PDSS2: variants seen among roughly 807,000 people sequenced by gnomAD.
PDSS2 encodes the protein decaprenyl diphosphate synthase subunit 2.
In PDSS2, 31 loss-of-function variants were observed where a neutral mutation model predicts 44.5. The ratio of observed to expected loss-of-function variants is 0.70; its 90% CI spans 0.52 to 0.94. PDSS2 has a LOEUF of 0.94. Among genes scored for constraint, PDSS2 ranks in the 40% least tolerant of loss-of-function variants. The probability of loss-of-function intolerance (pLI) is 0.00; values close to 1 mark genes in which losing one functional copy is unlikely to be tolerated. For synonymous variants in PDSS2, 157 were observed against 180.3 expected (o/e 0.87, Z 1.03); for missense variants, 452 against 482.2 (o/e 0.94, Z 0.59).
intron 2 of PDSS2, among the ~76,000 whole-genome samples, chr6:107,286,259 G>C (rs1297260119): frequency 6.6e-6 from 1 of 152,078 alleles, no homozygotes; most frequent in Non-Finnish European, 1.5e-5. Context: ...TGTAATCCCA[G>C]CACTTTGGGA....
chr6:107,440,614 T>C (rs1781486037), intron 1 of PDSS2, among the ~76,000 whole-genome samples: 1 of 152,222 alleles, frequency 6.6e-6, no homozygotes, highest in Non-Finnish European at 1.5e-5. Context: ...AAAGGTTTTG[T>C]GCCCAGGGAA....
intron 7 of PDSS2, among the ~76,000 whole-genome samples, chr6:107,167,920 G>A (rs1265773450): frequency 6.6e-6 from 1 of 152,130 alleles, no homozygotes. Flanking sequence ...TTTTGGATTG[G>A]TGTGGTGTGG....
chr6:107,255,356 C>T (rs1311017896), intron 3 of PDSS2, among the ~76,000 whole-genome samples: 2 of 151,526 alleles, frequency 1.3e-5, no homozygotes, highest in Non-Finnish European at 2.9e-5. Context: ...CCACGCCTGG[C>T]TAATTTTGCA....
At chr6:107,325,738 G>C (rs554418367) in intron 2 of PDSS2, among the ~76,000 whole-genome samples, 2 of 152,076 alleles carry the variant, frequency 1.3e-5, no homozygotes, top group Non-Finnish European at 2.9e-5. Context: ...TTTTGTCCAT[G>C]TTTGTGTTGT....
chr6:107,320,245 C>T (rs1019070341), intron 2 of PDSS2, among the ~76,000 whole-genome samples: 4 of 151,992 alleles, frequency 2.6e-5, no homozygotes, highest in African/African-American at 4.8e-5. Context: ...TTGGTTCTCA[C>T]GTACAGCCTC....
chr6:107,242,064 C>T (rs1562401946), intron 4 of PDSS2, among the ~76,000 whole-genome samples: 1 of 151,970 alleles, frequency 6.6e-6, no homozygotes, highest in African/African-American at 2.4e-5. Context: ...GTACTTCTTG[C>T]GCTGTTAGAA....
At chr6:107,245,074 TAAAG>T (rs1774562291) in intron 4 of PDSS2, among the ~76,000 whole-genome samples, 1 of 152,178 alleles carries the variant, frequency 6.6e-6, no homozygotes, top group Admixed American at 6.6e-5. Flanking sequence ...CTTCTTATAA[TAAAG>T]AATCTAATAA....
At chr6:107,163,844 C>A (rs1350253170) in intron 7 of PDSS2, among the ~76,000 whole-genome samples, 3 of 152,176 alleles carry the variant, frequency 2.0e-5, no homozygotes, top group African/African-American at 7.2e-5. Context: ...CTCAGGTGAT[C>A]CGTCCACCTC....
At chr6:107,225,153 ATATATATATTTTTTT>A (rs1773759609) in intron 4 of PDSS2, among the ~76,000 whole-genome samples, 4 of 55,100 alleles carry the variant, frequency 7.3e-5, no homozygotes, top group South Asian at 6.2e-4. Flanking sequence ...ATATATATAT[ATATATATATTTTTTT>A]TTTTTTTTTT....
chr6:107,294,939 C>CT (rs1017643152), intron 2 of PDSS2, among the ~76,000 whole-genome samples: 38 of 151,510 alleles, frequency 2.5e-4, no homozygotes, highest in Admixed American at 3.9e-4. Flanking sequence ...TTCTTTTTTT[C>CT]TTTTTTTTGA....
chr6:107,307,064 T>C lies in PDSS2; in HGVS notation c.431+27134A>G, dbSNP rs774260856. 2.0e-4 allele frequency among the ~76,000 whole-genome samples: 30 copies of C among 152,382 alleles called. 1 individual carries two copies. The highest frequency in any genetic ancestry group is 3.4e-3 in the Middle Eastern group (1 of 294). ...TTCTCATTCTGGCATTCTGGATATA[T>C]CCACTTTTGGAAAAGGCAGATAATA... On this transcript the variant is annotated intron_variant, in intron 2 of 7. Transcript: ENST00000369037.
intron 1 of PDSS2, among the ~76,000 whole-genome samples, chr6:107,409,115 G>A (rs1465287493): frequency 6.6e-6 from 1 of 152,156 alleles, no homozygotes; most frequent in Non-Finnish European, 1.5e-5. Flanking sequence ...CAGGAACTCA[G>A]ATGAGTCCAT....
intron 3 of PDSS2, among the ~76,000 whole-genome samples, chr6:107,256,705 T>C (rs1775033908): frequency 6.6e-6 from 1 of 152,154 alleles, no homozygotes; most frequent in South Asian, 2.1e-4. Flanking sequence ...AATTAAGTAA[T>C]CTTTTTTTTC....
In PDSS2 at chr6:107,426,557, T is replaced by C. The variant is rs1035624837; in HGVS notation, c.296+32433A>G. 2.6e-5 allele frequency among the ~76,000 whole-genome samples: 4 copies of C among 152,190 alleles called. No homozygotes were observed. The East Asian group carries it at 7.7e-4, about 29-fold the overall frequency. ...ATTCTCCAGACCCCAGAACGGTAGATCCACTGACAGCTTGTACCGTGTGCC... is the reference window on the plus strand; with the variant it reads ...ATTCTCCAGACCCCAGAACGGTAGACCCACTGACAGCTTGTACCGTGTGCC... On this transcript the variant is annotated intron_variant, in intron 1 of 7. Transcript: ENST00000369037.
intron 4 of PDSS2, among the ~76,000 whole-genome samples, chr6:107,243,857 G>C: frequency 6.6e-6 from 1 of 152,144 alleles, no homozygotes; most frequent in Non-Finnish European, 1.5e-5. Flanking sequence ...GGCTGGGCAT[G>C]GTGGCTCACA....
chr6:107,295,081 G>A lies in PDSS2; in HGVS notation c.432-20854C>T, dbSNP rs376849693. The stretch of plus-strand genomic sequence containing the variant: ...TGAGTAGCTGGGATTACAGGCGCAC[G>A]CCACCAAGCCCAGCTAATTTTTTTG... On this transcript the variant is annotated intron_variant, in intron 2 of 7. Transcript: ENST00000369037. Among the ~76,000 whole-genome samples the A allele has an allele frequency of 3.9e-5, 6 of 152,202 alleles. No homozygotes were observed. In the East Asian group the frequency reaches 7.7e-4, roughly 20 times the overall value.
intron 2 of PDSS2, among the ~76,000 whole-genome samples, chr6:107,287,574 T>C (rs1474739526): frequency 6.6e-6 from 1 of 152,134 alleles, no homozygotes; most frequent in African/African-American, 2.4e-5. Context: ...CAGGCTGGAG[T>C]GCAGTGGTGC....
intron 1 of PDSS2, among the ~76,000 whole-genome samples, chr6:107,379,604 A>T (rs1779394804): frequency 6.6e-6 from 1 of 152,228 alleles, no homozygotes; most frequent in Non-Finnish European, 1.5e-5. Context: ...TTAAATACAC[A>T]TAACTTGTTA....
At chr6:107,224,198 C>T (rs1194133327) in intron 4 of PDSS2, among the ~76,000 whole-genome samples, 1 of 151,402 alleles carries the variant, frequency 6.6e-6, no homozygotes, top group Non-Finnish European at 1.5e-5. Flanking sequence ...GAAACAAGAT[C>T]ACTCCTTATT....
Sources: gnomAD v4.1 joint callset for allele counts (sites outside exome capture counted in the v4.1 genomes callset) on GRCh38, gnomAD v4.1.1 for gene constraint, MANE v1.5 for transcripts, NCBI Gene and HGNC (gene_info 2026-07-23, HGNC 2026-07-21) for gene names.